The following PLXDC2 variants were observed in gnomAD, a reference collection of about 807,000 sequenced individuals.
The protein encoded by PLXDC2 is plexin domain-containing protein 2.
Under a neutral mutation model 68.9 loss-of-function variants are expected in PLXDC2, and 40 were observed. The ratio of observed to expected loss-of-function variants is 0.58; its 90% CI spans 0.45 to 0.76. The LOEUF (loss-of-function observed/expected upper bound fraction) is 0.76, where lower values mean the gene tolerates loss of function less well. Among genes scored for constraint, PLXDC2 ranks in the 30% least tolerant of loss-of-function variants. The pLI, the probability that PLXDC2 is intolerant of heterozygous loss-of-function variation, is 0.00. For synonymous variants in PLXDC2, 243 were observed against 234.2 expected, an observed-to-expected ratio of 1.04 and a Z score of -0.34; for missense variants, 644 against 661.9, an observed-to-expected ratio of 0.97 and a Z score of 0.30.
chr10:20,181,713 G>T (rs1179212515), intron 9 of PLXDC2, among the ~76,000 whole-genome samples: 1 of 152,016 alleles, frequency 6.6e-6, no homozygotes, highest in Non-Finnish European at 1.5e-5. Flanking sequence ...GAGTGAGAGT[G>T]ACATCAGATA....
intron 1 of PLXDC2, among the ~76,000 whole-genome samples, chr10:19,970,037 A>G (rs1834325259): frequency 4.6e-5 from 7 of 152,204 alleles, no homozygotes; most frequent in Admixed American, 4.6e-4. Flanking sequence ...GGGCATTGGA[A>G]GAAGTTTAAT....
chr10:19,882,514 G>C (rs1359844897), intron 1 of PLXDC2, among the ~76,000 whole-genome samples: 3 of 152,204 alleles, frequency 2.0e-5, no homozygotes, highest in Admixed American at 6.5e-5. Flanking sequence ...CTTAAATCCA[G>C]TTCTGTCTAA....
chr10:20,260,120 A>C (rs1835791273), intron 13 of PLXDC2, among the ~76,000 whole-genome samples: 1 of 151,994 alleles, frequency 6.6e-6, no homozygotes, highest in African/African-American at 2.4e-5. Flanking sequence ...ATATACATAT[A>C]TATCCATAGT....
intron 1 of PLXDC2, among the ~76,000 whole-genome samples, chr10:19,886,994 G>T (rs1837858808): frequency 6.6e-6 from 1 of 152,126 alleles, no homozygotes; most frequent in African/African-American, 2.4e-5. Context: ...AAAACATAGT[G>T]TCTCAGTATT....
At chr10:20,151,255 A>G (rs556347806) in intron 6 of PLXDC2, among the ~76,000 whole-genome samples, 15 of 152,200 alleles carry the variant, frequency 9.9e-5, no homozygotes, top group Non-Finnish European at 1.9e-4. Flanking sequence ...TCCTAATCAC[A>G]TGATAGCATA....
At chr10:19,956,980 G>A (rs1834080491) in intron 1 of PLXDC2, among the ~76,000 whole-genome samples, 2 of 152,108 alleles carry the variant, frequency 1.3e-5, no homozygotes, top group African/African-American at 2.4e-5. Flanking sequence ...GGCAGTTTTA[G>A]GTATCTACTC....
intron 4 of PLXDC2, among the ~76,000 whole-genome samples, chr10:20,077,754 G>T (rs1333634991): frequency 9.2e-5 from 14 of 152,036 alleles, no homozygotes; most frequent in Admixed American, 9.2e-4. Flanking sequence ...ATAATTTAGA[G>T]CAATTAGATT....
intron 1 of PLXDC2, among the ~76,000 whole-genome samples, chr10:19,851,879 T>C (rs12766994): frequency 0.3 from 45,554 of 152,026 alleles, 6,898 homozygotes; most frequent in East Asian, 0.46. Flanking sequence ...GAAGCCAAGG[T>C]AGTCAGACCT....
At chr10:19,843,303 A>G (rs896854803) in intron 1 of PLXDC2, among the ~76,000 whole-genome samples, 2 of 152,212 alleles carry the variant, frequency 1.3e-5, no homozygotes, top group South Asian at 2.1e-4. Flanking sequence ...TAAGGTATTA[A>G]TTTGATAATT....
intron 1 of PLXDC2, among the ~76,000 whole-genome samples, chr10:19,841,349 T>C (rs554441056): frequency 3.4e-4 from 52 of 152,314 alleles, no homozygotes; most frequent in African/African-American, 1.2e-3. Flanking sequence ...TCTACCTTTT[T>C]CACTAAATTT....
chr10:19,901,574 T>C (rs1838161929), intron 1 of PLXDC2, among the ~76,000 whole-genome samples: 1 of 152,246 alleles, frequency 6.6e-6, no homozygotes, highest in South Asian at 2.1e-4. Flanking sequence ...ATTCTGGATA[T>C]TAATCCTTTG....
chr10:20,060,826 AC>A (rs1375907474), intron 3 of PLXDC2, among the ~76,000 whole-genome samples: 9 of 152,224 alleles, frequency 5.9e-5, no homozygotes, highest in African/African-American at 2.2e-4. Context: ...AAACAGAGTC[AC>A]TGAAAGCTTA....
intron 1 of PLXDC2, among the ~76,000 whole-genome samples, chr10:19,848,613 A>C (rs141747763): frequency 0.012 from 1,817 of 152,354 alleles, 22 homozygotes; most frequent in Non-Finnish European, 0.021. Flanking sequence ...AAGTACCAAA[A>C]GAAGAAATAA....
intron 1 of PLXDC2, among the ~76,000 whole-genome samples, chr10:19,873,493 C>T (rs1385782041): frequency 6.6e-6 from 1 of 150,716 alleles, no homozygotes; most frequent in African/African-American, 2.5e-5. Flanking sequence ...TCAATGCAGC[C>T]TCAAACTCCT....
chr10:20,023,916 C>T (rs759095769), intron 2 of PLXDC2, among the ~76,000 whole-genome samples: 8 of 152,252 alleles, frequency 5.3e-5, no homozygotes, highest in Middle Eastern at 3.4e-3. Context: ...AGCCAGACTT[C>T]ATTACCCTAG....
chr10:20,098,252 C>T (rs946350992), intron 4 of PLXDC2, among the ~76,000 whole-genome samples: 1 of 151,976 alleles, frequency 6.6e-6, no homozygotes, highest in African/African-American at 2.4e-5. Flanking sequence ...TGTTCCTTGC[C>T]TCTTCTAGCC....
chr10:19,959,765 C>T lies in PLXDC2; in HGVS notation c.113-42010C>T, dbSNP rs533567116. On this transcript the variant is annotated intron_variant, in intron 1 of 13. Coordinates refer to ENST00000377252, the MANE Select transcript of PLXDC2 (RefSeq NM_032812.9). The stretch of plus-strand genomic sequence containing the variant: ...AAAACATCCAGGAACCCAAATGAAA[C>T]CCTAGGGACCCACAGATTTTGAAGA... Among the ~76,000 whole-genome samples, 183 of 152,184 alleles carry T rather than the reference C, an allele frequency of 1.2e-3. 1 individual carries two copies. The highest frequency in any genetic ancestry group is 4.6e-3 in the South Asian group (22 of 4,820).
chr10:20,161,349 T>C (rs1333066508), intron 6 of PLXDC2, among the ~76,000 whole-genome samples: 9 of 151,932 alleles, frequency 5.9e-5, no homozygotes, highest in Admixed American at 5.9e-4. Flanking sequence ...AAATCCTTCA[T>C]GTGTCTTGTA....
chr10:19,891,118 C>T (rs1016829717), intron 1 of PLXDC2, among the ~76,000 whole-genome samples: 26 of 152,032 alleles, frequency 1.7e-4, no homozygotes, highest in African/African-American at 5.1e-4. Context: ...CTCTGTCCAG[C>T]GCTCCCACCC....
Sources: allele counts gnomAD v4.1 joint callset (sites outside exome capture counted in the v4.1 genomes callset), GRCh38; gene constraint gnomAD v4.1.1; transcripts MANE v1.5; gene names NCBI Gene and HGNC (gene_info 2026-07-23, HGNC 2026-07-21).